The following SLC27A6 variants were observed in gnomAD, a reference collection of about 807,000 sequenced individuals.
SLC27A6 encodes the protein solute carrier family 27 member 6.
A neutral mutation model predicts 63.9 loss-of-function variants in SLC27A6; 74 were observed. The ratio of observed to expected loss-of-function variants is 1.16; its 90% CI spans 0.96 to 1.40. The LOEUF (loss-of-function observed/expected upper bound fraction) is 1.40. Ranked by LOEUF, SLC27A6 falls within the 40% of genes most tolerant of loss-of-function variation. The probability of loss-of-function intolerance (pLI) is 0.00; values close to 1 mark genes in which losing one functional copy is unlikely to be tolerated. For missense variants in SLC27A6, 794 were observed against 732.9 expected (o/e 1.08, Z -0.96); for synonymous variants, 287 against 260.8 (o/e 1.10, Z -0.97).
At chr5:129,025,815 C>T (rs1752225235) in intron 6 of SLC27A6, among the ~76,000 whole-genome samples, 2 of 151,988 alleles carry the variant, frequency 1.3e-5, no homozygotes, top group Admixed American at 1.3e-4. Context: ...AGCCAGAATG[C>T]CCAGGAGTGG....
At chr5:128,992,385 A>G (rs966810619) in intron 4 of SLC27A6, among the ~76,000 whole-genome samples, 8 of 152,182 alleles carry the variant, frequency 5.3e-5, no homozygotes, top group Non-Finnish European at 1.2e-4. Context: ...AATTACCCAG[A>G]GCACAGCTGA....
At chr5:129,027,751 A>G (rs538912058) in intron 7 of SLC27A6, among the ~76,000 whole-genome samples, 86 of 152,218 alleles carry the variant, frequency 5.6e-4, no homozygotes, top group African/African-American at 2.0e-3. Flanking sequence ...CTATGAAATT[A>G]TTTTGCTTTA....
At position 128,970,544 on chromosome 5, in the gene SLC27A6, G is replaced by A. The variant is rs78814810; in HGVS notation, c.481+3926G>A. On this transcript the variant is annotated intron_variant, in intron 1 of 9. Coordinates refer to ENST00000262462, the MANE Select transcript of SLC27A6 (RefSeq NM_001017372.3). The stretch of plus-strand genomic sequence containing the variant: ...TTTCTAGATTTTCTAGTTTATTTGC[G>A]TAGAGGTGTTTATAGTATTCTCTGA... Among the ~76,000 whole-genome samples, 585 of 152,206 alleles carry A rather than the reference G, an allele frequency of 3.8e-3. 1 individual carries two copies. Among genetic ancestry groups the A allele is most frequent in the African/African-American group, 0.01 (433 of 41,538 alleles).
chr5:128,987,733 C>A (rs1190939292), intron 2 of SLC27A6, among the ~76,000 whole-genome samples: 7 of 152,036 alleles, frequency 4.6e-5, no homozygotes, highest in Non-Finnish European at 1.0e-4. Context: ...ACCAGTGATT[C>A]TGTCCAGGAG....
intron 4 of SLC27A6, among the ~76,000 whole-genome samples, chr5:128,995,751 G>A (rs181057125): frequency 9.1e-4 from 138 of 152,302 alleles, no homozygotes; most frequent in Non-Finnish European, 1.6e-3. Flanking sequence ...CCATTGACTA[G>A]ATCTTGTAGG....
At chr5:129,029,800 T>C (rs1752359758) in intron 9 of SLC27A6, 93 bp downstream of exon 9, 1 of 1,099,868 alleles carries the variant, frequency 9.1e-7, no homozygotes, top group Non-Finnish European at 1.3e-6. Flanking sequence ...TTAGATAACA[T>C]GTGAGTTATG....
intron 5 of SLC27A6, among the ~76,000 whole-genome samples, chr5:129,020,152 GA>G (rs944664705): frequency 1.3e-5 from 2 of 152,114 alleles, no homozygotes; most frequent in African/African-American, 4.8e-5. Flanking sequence ...AGAAAAAAAG[GA>G]AAGAATTGGC....
intron 1 of SLC27A6, among the ~76,000 whole-genome samples, chr5:128,974,830 A>G (rs1036410280): frequency 1.3e-5 from 2 of 152,230 alleles, no homozygotes; most frequent in African/African-American, 2.4e-5. Context: ...GATTCACAGT[A>G]TAATTCTGAG....
At chr5:128,995,858 C>T (rs1177337496) in intron 4 of SLC27A6, among the ~76,000 whole-genome samples, 2 of 152,078 alleles carry the variant, frequency 1.3e-5, no homozygotes, top group Non-Finnish European at 1.5e-5. Flanking sequence ...AATTAGACCA[C>T]TTTGGGATCT....
intron 4 of SLC27A6, among the ~76,000 whole-genome samples, chr5:129,013,490 C>A (rs1463751338): frequency 6.6e-6 from 1 of 152,122 alleles, no homozygotes; most frequent in Non-Finnish European, 1.5e-5. Context: ...GGCTTACGGT[C>A]ATTGTTGAAA....
At chr5:128,970,721 T>C (rs1188992433) in intron 1 of SLC27A6, among the ~76,000 whole-genome samples, 2 of 151,814 alleles carry the variant, frequency 1.3e-5, no homozygotes, top group African/African-American at 4.8e-5. Flanking sequence ...TCCTGGATTC[T>C]TTGATTTTTT....
At chr5:128,971,478 C>A (rs1750158739) in intron 1 of SLC27A6, among the ~76,000 whole-genome samples, 1 of 151,840 alleles carries the variant, frequency 6.6e-6, no homozygotes, top group African/African-American at 2.4e-5. Flanking sequence ...ATAGTTAGCT[C>A]TTCTTGTTGA....
chr5:129,002,599 T>G, intron 4 of SLC27A6, among the ~76,000 whole-genome samples: 1 of 150,710 alleles, frequency 6.6e-6, no homozygotes, highest in East Asian at 2.1e-4. Context: ...AAATGTGTTG[T>G]GAACACTTCT....
At chr5:129,007,564 T>G (rs1339135420) in intron 4 of SLC27A6, among the ~76,000 whole-genome samples, 4 of 151,942 alleles carry the variant, frequency 2.6e-5, no homozygotes, top group Non-Finnish European at 5.9e-5. Context: ...TGACAAGCAT[T>G]CAACTTGGTT....
At chr5:129,027,090 A>G in intron 6 of SLC27A6, 43 bp from the exon 7 acceptor site, 1 of 1,489,670 alleles carries the variant, frequency 6.7e-7, no homozygotes. Context: ...GTGTAACAAT[A>G]GTTTTAATCA....
At chr5:129,014,569 T>G (rs1751828792) in intron 4 of SLC27A6, among the ~76,000 whole-genome samples, 1 of 152,218 alleles carries the variant, frequency 6.6e-6, no homozygotes, top group African/African-American at 2.4e-5. Context: ...AAGGACTCTA[T>G]TTTGTAAAAT....
chr5:129,029,503 A>T (rs1399281901), intron 8 of SLC27A6, 74 bp from the exon 9 acceptor site: 8 of 1,000,580 alleles, frequency 8.0e-6, no homozygotes, highest in Non-Finnish European at 1.0e-5. Flanking sequence ...ATGTGTGCCA[A>T]TTAGCATGTA....
chr5:128,988,568 T>C, intron 2 of SLC27A6, 32 bp from the exon 3 acceptor site: 1 of 1,587,664 alleles, frequency 6.3e-7, no homozygotes, highest in South Asian at 1.1e-5. Flanking sequence ...TATGTGTGTA[T>C]ATATATTTCC....
At chr5:129,030,331 C>T (rs1752375230) in intron 9 of SLC27A6, among the ~76,000 whole-genome samples, 1 of 151,966 alleles carries the variant, frequency 6.6e-6, no homozygotes, top group Non-Finnish European at 1.5e-5. Context: ...TATTTTGCCT[C>T]AAATATAATT....
Sources: gnomAD v4.1 joint callset for allele counts (sites outside exome capture counted in the v4.1 genomes callset) on GRCh38, gnomAD v4.1.1 for gene constraint, MANE v1.5 for transcripts, NCBI Gene and HGNC (gene_info 2026-07-23, HGNC 2026-07-21) for gene names.